The following CLHC1 variants were observed in gnomAD, a reference collection of about 807,000 sequenced individuals.
CLHC1 encodes the protein clathrin heavy chain linker domain containing 1.
A neutral mutation model predicts 69.5 loss-of-function variants in CLHC1; 72 were observed. The ratio of observed to expected loss-of-function variants is 1.04; its 90% CI spans 0.86 to 1.26. The LOEUF is 1.26. Ranked by LOEUF, CLHC1 falls within the 50% of genes most tolerant of loss-of-function variation. CLHC1 has a pLI of 0.00. For synonymous variants in CLHC1, 223 were observed against 224.3 expected (o/e 0.99, Z 0.05); for missense variants, 790 against 679.3 (o/e 1.16, Z -1.81).
chr2:55,187,731 G>T (rs1172427453), intron 9 of CLHC1, among the ~76,000 whole-genome samples: 1 of 151,674 alleles, frequency 6.6e-6, no homozygotes, highest in African/African-American at 2.4e-5. Context: ...TTTCAGAGGA[G>T]AAAAAAGAAA....
At chr2:55,192,748 G>T (rs1004118821) in intron 9 of CLHC1, among the ~76,000 whole-genome samples, 1 of 152,098 alleles carries the variant, frequency 6.6e-6, no homozygotes, top group Non-Finnish European at 1.5e-5. Flanking sequence ...CCAACAAGGT[G>T]CTGGGAAAAC....
chr2:55,176,996 C>G (rs1669451691), intron 12 of CLHC1, among the ~76,000 whole-genome samples: 1 of 152,162 alleles, frequency 6.6e-6, no homozygotes, highest in African/African-American at 2.4e-5. Flanking sequence ...ACCTCATCCT[C>G]TCAAGTAGCT....
chr2:55,223,806 T>A (rs1674414858), intron 2 of CLHC1, among the ~76,000 whole-genome samples: 1 of 151,920 alleles, frequency 6.6e-6, no homozygotes, highest in South Asian at 2.1e-4. Flanking sequence ...TAACTTTTTT[T>A]TTTTTTTGAG....
intron 9 of CLHC1, among the ~76,000 whole-genome samples, chr2:55,204,538 A>T (rs947372900): frequency 6.6e-6 from 1 of 152,126 alleles, no homozygotes; most frequent in Admixed American, 6.6e-5. Context: ...TAGTACAACC[A>T]CTACGGAAAA....
At chr2:55,202,249 A>G (rs2103876104) in intron 9 of CLHC1, among the ~76,000 whole-genome samples, 1 of 128,952 alleles carries the variant, frequency 7.8e-6, no homozygotes, top group South Asian at 2.5e-4. Flanking sequence ...ATGTAATCTT[A>G]TATTTGAAAA....
At chr2:55,195,863 C>A (rs1247107387) in intron 9 of CLHC1, among the ~76,000 whole-genome samples, 1 of 152,068 alleles carries the variant, frequency 6.6e-6, no homozygotes, top group African/African-American at 2.4e-5. Context: ...AAAAAAGCAC[C>A]TTCATAAGAA....
chr2:55,226,374 G>A (rs1355821562), intron 2 of CLHC1, among the ~76,000 whole-genome samples: 3 of 152,052 alleles, frequency 2.0e-5, no homozygotes, highest in Non-Finnish European at 1.5e-5. Context: ...CATACTCCTG[G>A]TATAAAATTC....
chr2:55,219,683 C>G (rs989848163), intron 3 of CLHC1, among the ~76,000 whole-genome samples: 177 of 152,200 alleles, frequency 1.2e-3, no homozygotes, highest in Non-Finnish European at 3.2e-4. Flanking sequence ...GTGGCCTCTG[C>G]AGGCATTTAA....
chr2:55,205,421 ACG>A (rs1491320455), intron 9 of CLHC1, among the ~76,000 whole-genome samples: 6 of 150,972 alleles, frequency 4.0e-5, no homozygotes, highest in African/African-American at 7.3e-5. Flanking sequence ...ACACACACAC[ACG>A]CACACACACA....
chr2:55,174,869 T>G lies in CLHC1; in HGVS notation c.*921A>C, dbSNP rs1027562434. ...CTCAAGCGATCCTCCTGCCTCGACC[T>G]CCCAAAGTGCTGGGATTACAGACAT... is the stretch of plus-strand genomic sequence containing the variant. On this transcript the variant is annotated 3_prime_UTR_variant, in exon 13 of 13. Transcript: ENST00000401408. 6.6e-6 allele frequency: 1 copy of G among 152,080 alleles called. No homozygotes were observed. The highest frequency in any genetic ancestry group is 6.6e-5 in the Admixed American group (1 of 15,252). The allele number at this position is 152,080 out of a possible 1,614,324, so 9.4% of individuals were successfully genotyped here.
rs893052688 is a variant in CLHC1, at chr2:55,174,620, A to T, written c.*1170T>A. Among the ~76,000 whole-genome samples, 2 of 152,232 alleles carry T rather than the reference A, an allele frequency of 1.3e-5. No individual in the cohort carries two copies. The highest frequency in any genetic ancestry group is 4.8e-5 in the African/African-American group (2 of 41,458). ...CATATTTTATAAGTGAGTAAGAGGT[A>T]GGACCAGAATTTTAATATGAAGCTG... On this transcript the variant is annotated 3_prime_UTR_variant, in exon 13 of 13. Coordinates refer to ENST00000401408, the MANE Select transcript of CLHC1 (RefSeq NM_152385.4).
chr2:55,178,431 T>C (rs1669610938), intron 11 of CLHC1, among the ~76,000 whole-genome samples: 1 of 152,248 alleles, frequency 6.6e-6, no homozygotes, highest in Admixed American at 6.5e-5. Context: ...TCTATTGGGT[T>C]AACCCAATAG....
rs1573709924 is a variant in CLHC1, at chr2:55,208,614, T to A, written c.899+12A>T. 1 of 1,543,140 alleles carries A rather than the reference T, an allele frequency of 6.5e-7. No homozygotes were observed. ...TATAATTCTGAAAAATTAAAGCTTT[T>A]AAAATATTTGCCTTTCAATGTAGTG... On this transcript the variant is annotated intron_variant, in intron 8 of 12. Transcript: ENST00000401408.
intron 12 of CLHC1, among the ~76,000 whole-genome samples, chr2:55,176,279 T>A (rs1313420162): frequency 6.6e-6 from 1 of 152,212 alleles, no homozygotes; most frequent in Non-Finnish European, 1.5e-5. Context: ...AGGCAGCAGA[T>A]GTTGAAGGCT....
chr2:55,212,546 T>C, intron 5 of CLHC1, 127 bp downstream of exon 5: 1 of 730,610 alleles, frequency 1.4e-6, no homozygotes, highest in Non-Finnish European at 2.3e-6. Flanking sequence ...CTGACTAAAA[T>C]TATGTGTACA....
intron 9 of CLHC1, among the ~76,000 whole-genome samples, chr2:55,202,493 T>C (rs139649035): frequency 0.012 from 1,844 of 150,584 alleles, 40 homozygotes; most frequent in African/African-American, 0.043. Context: ...GAGGCGGAGT[T>C]TGCAGTGAGC....
chr2:55,211,106 C>T (rs944044912), intron 5 of CLHC1, among the ~76,000 whole-genome samples: 6 of 152,154 alleles, frequency 3.9e-5, no homozygotes, highest in African/African-American at 1.4e-4. Context: ...TAACCAGTCC[C>T]TTACCCAGAA....
intron 11 of CLHC1, among the ~76,000 whole-genome samples, chr2:55,178,650 T>C (rs1402067606): frequency 6.6e-6 from 1 of 151,968 alleles, no homozygotes; most frequent in Non-Finnish European, 1.5e-5. Context: ...CACTCTATAC[T>C]CTCAAATTTA....
At chr2:55,203,578 T>G (rs1672163595) in intron 9 of CLHC1, among the ~76,000 whole-genome samples, 1 of 152,108 alleles carries the variant, frequency 6.6e-6, no homozygotes, top group Non-Finnish European at 1.5e-5. Context: ...GTCTCTTCAG[T>G]AAATGGTGCT....
Sources: allele counts gnomAD v4.1 joint callset (sites outside exome capture counted in the v4.1 genomes callset), GRCh38; gene constraint gnomAD v4.1.1; transcripts MANE v1.5; gene names NCBI Gene and HGNC (gene_info 2026-07-23, HGNC 2026-07-21).